MALRD1: variants seen among roughly 807,000 people sequenced by gnomAD.
MALRD1 encodes MAM and LDL receptor class A domain containing 1, also known as MAM and LDL-receptor class A domain-containing protein 1.
MALRD1 carries 247 observed loss-of-function variants against 242.1 expected under a neutral mutation model. That is an observed-to-expected ratio of 1.02 (90% confidence interval 0.92 to 1.13). MALRD1 has a LOEUF of 1.13. Among genes scored for constraint, MALRD1 ranks in the 50% most tolerant of loss-of-function variants. The pLI is 0.00. For synonymous variants in MALRD1, 995 were observed against 866.6 expected (o/e 1.15, Z -2.60); for missense variants, 2,989 against 2,533.1 (o/e 1.18, Z -3.86).
intron 38 of MALRD1, among the ~76,000 whole-genome samples, chr10:19,719,219 C>CAT (rs1290415118): frequency 1.4e-3 from 41 of 30,330 alleles, no homozygotes; most frequent in African/African-American, 2.6e-3. Flanking sequence ...TATACACATA[C>CAT]ATACATATAT....
At chr10:19,062,876 A>T (rs1834862648) in intron 1 of MALRD1, among the ~76,000 whole-genome samples, 1 of 152,150 alleles carries the variant, frequency 6.6e-6, no homozygotes, top group South Asian at 2.1e-4. Context: ...GAATGGTTAA[A>T]ATTACATGCC....
chr10:19,140,982 T>C (rs1833520664), intron 10 of MALRD1, among the ~76,000 whole-genome samples: 2 of 152,218 alleles, frequency 1.3e-5, no homozygotes, highest in Non-Finnish European at 2.9e-5. Context: ...GAAATGATGC[T>C]AATTAGCTTT....
intron 26 of MALRD1, among the ~76,000 whole-genome samples, chr10:19,384,015 A>C (rs1336389108): frequency 3.3e-5 from 5 of 151,836 alleles, no homozygotes; most frequent in African/African-American, 1.2e-4. Flanking sequence ...AAAAAGACTT[A>C]AGGTCTGAAT....
chr10:19,358,696 AC>A (rs1439564916), intron 26 of MALRD1, among the ~76,000 whole-genome samples: 1 of 152,214 alleles, frequency 6.6e-6, no homozygotes, highest in Non-Finnish European at 1.5e-5. Flanking sequence ...TCAGATAGTA[AC>A]ATATAGCACT....
chr10:19,422,678 T>C (rs991760376), intron 28 of MALRD1, among the ~76,000 whole-genome samples: 1 of 152,188 alleles, frequency 6.6e-6, no homozygotes, highest in Non-Finnish European at 1.5e-5. Flanking sequence ...TACTATATTA[T>C]ATCATTTTCT....
chr10:19,323,037 CAA>C (rs959453986), intron 21 of MALRD1, among the ~76,000 whole-genome samples: 1 of 148,772 alleles, frequency 6.7e-6, no homozygotes, highest in South Asian at 2.1e-4. Context: ...TCTTTTATGG[CAA>C]AAAAAAATCG....
At chr10:19,135,021 G>A (rs1274737582) in intron 9 of MALRD1, among the ~76,000 whole-genome samples, 2 of 152,048 alleles carry the variant, frequency 1.3e-5, no homozygotes, top group African/African-American at 2.4e-5. Context: ...AAAGTATGTA[G>A]CAGCATACAA....
chr10:19,184,229 G>A (rs961057921), intron 14 of MALRD1, among the ~76,000 whole-genome samples: 1 of 152,166 alleles, frequency 6.6e-6, no homozygotes, highest in Non-Finnish European at 1.5e-5. Context: ...TCATTTAAGG[G>A]AATGTTTAAC....
chr10:19,586,787 AAGC>A (rs1431792103), intron 33 of MALRD1, among the ~76,000 whole-genome samples: 1 of 152,186 alleles, frequency 6.6e-6, no homozygotes, highest in African/African-American at 2.4e-5. Context: ...TTGTTTACCT[AAGC>A]AAGCCTGGGC....
intron 36 of MALRD1, among the ~76,000 whole-genome samples, chr10:19,651,423 G>C (rs1290289693): frequency 6.6e-6 from 1 of 152,046 alleles, no homozygotes; most frequent in Non-Finnish European, 1.5e-5. Flanking sequence ...GTAGGCCAAT[G>C]CATCCTACTT....
In MALRD1 at chr10:19,498,442, A is replaced by T. The variant is rs755071675; in HGVS notation, c.5159-43A>T. On this transcript the variant is annotated intron_variant, in intron 30 of 39. Coordinates refer to ENST00000454679, the MANE Select transcript of MALRD1 (RefSeq NM_001142308.3). ...CAAATATAGGGTAGTAGCAAATGTGATAGACATTTCCAGAAATTCCATTAA... is the reference window on the plus strand; with the variant it reads ...CAAATATAGGGTAGTAGCAAATGTGTTAGACATTTCCAGAAATTCCATTAA... The T allele has an allele frequency of 2.7e-6, 4 of 1,501,956 alleles. No individual in the cohort carries two copies. The South Asian group carries it at 4.9e-5, about 18-fold the overall frequency. The allele number at this position is 1,501,956 out of a possible 1,614,324, so 93.0% of individuals were successfully genotyped here.
rs1554842468 is a variant in MALRD1 at position 19,376,542 on chromosome 10, C to CATTTTTTTTTTTTTTTTT, written c.4442-10986_4442-10985insATTTTTTTTTTTTTTTTT. ...TTGAAAGTCAAGGAGTTGATACATT[C>CATTTTTTTTTTTTTTTTT]TTTTTTTTTTTTTTTTTTTTTTTTT... On this transcript the variant is annotated intron_variant, in intron 26 of 39. Coordinates refer to ENST00000454679, the MANE Select transcript of MALRD1 (RefSeq NM_001142308.3). Among the ~76,000 whole-genome samples the CATTTTTTTTTTTTTTTTT allele has an allele frequency of 7.4e-5, 7 of 94,992 alleles. 2 individuals are homozygous for CATTTTTTTTTTTTTTTTT. The highest frequency in any genetic ancestry group is 1.6e-4 in the African/African-American group (4 of 25,250). The allele number at this position is 94,992 out of a possible 152,430, so 62.3% of individuals were successfully genotyped here. A position where few individuals can be genotyped will look rare whatever the true frequency, so the allele number is the denominator to read the frequency against.
At chr10:19,641,047 A>G (rs1006116754) in intron 36 of MALRD1, among the ~76,000 whole-genome samples, 2 of 152,202 alleles carry the variant, frequency 1.3e-5, no homozygotes, top group African/African-American at 2.4e-5. Flanking sequence ...GCAGAAAAAG[A>G]TAGGCTTAAA....
Position 19,480,340 on chromosome 10 carries a change from C to T in MALRD1, c.5030-11177C>T, listed in dbSNP as rs532188416. ...TGGTTGTAGACATGGGGCCATCAGC[C>T]TCCAGATAGCAGTTAAAATCAAGTG... On this transcript the variant is annotated intron_variant, in intron 29 of 39. Transcript: ENST00000454679. 2.2e-3 allele frequency among the ~76,000 whole-genome samples: 333 copies of T among 152,274 alleles called. 2 individuals are homozygous for T. The highest frequency in any genetic ancestry group is 6.8e-3 in the Middle Eastern group (2 of 294).
rs950647426 is a variant in MALRD1 at position 19,331,440 on chromosome 10, T to C, written c.3759T>C (p.Asp1253=). 1.9e-6 allele frequency: 3 copies of C among 1,550,512 alleles called. No homozygotes were observed. Among genetic ancestry groups the C allele is most frequent in the Non-Finnish European group, 1.7e-6 (2 of 1,146,906 alleles). The part of the protein sequence containing the change: ...DVAVDDISFQ[D]CSPLLSPERK... ...CAGTGGATGATATTTCCTTCCAAGA[T>C]TGCTCCCCTTTGCTTAGCCCAGAGA... The change falls in exon 24 of 40, where the codon GAT becomes GAC. Residue 1253 remains aspartate, a synonymous_variant. Transcript: ENST00000454679.
intron 31 of MALRD1, among the ~76,000 whole-genome samples, chr10:19,506,849 G>A (rs918017406): frequency 2.0e-5 from 3 of 152,064 alleles, no homozygotes; most frequent in African/African-American, 4.8e-5. Context: ...AAAGCAAGAT[G>A]GACCATGTGT....
At chr10:19,531,852 G>C (rs1834431138) in intron 32 of MALRD1, among the ~76,000 whole-genome samples, 2 of 152,144 alleles carry the variant, frequency 1.3e-5, no homozygotes, top group African/African-American at 2.4e-5. Context: ...AATGAAATAA[G>C]TTGCTGCACT....
At chr10:19,425,372 A>C (rs953469897) in intron 28 of MALRD1, among the ~76,000 whole-genome samples, 7 of 152,204 alleles carry the variant, frequency 4.6e-5, no homozygotes, top group African/African-American at 1.7e-4. Flanking sequence ...AATGGTCTCC[A>C]GTGACTATTA....
In MALRD1 at chr10:19,535,403, T is replaced by A. The variant is rs562286143; in HGVS notation, c.5478+4052T>A. On this transcript the variant is annotated intron_variant, in intron 32 of 39. Transcript: ENST00000454679. The stretch of plus-strand genomic sequence containing the variant: ...ATATGTGTACTAGTATGCAATTTTT[T>A]AAAAAAATCAGATTTTGTGTGAAAA... Among the ~76,000 whole-genome samples the A allele has an allele frequency of 3.2e-4, 48 of 151,840 alleles. No individual in the cohort carries two copies. The South Asian group carries it at 5.2e-3, about 16-fold the overall frequency.
Sources: allele counts gnomAD v4.1 joint callset (sites outside exome capture counted in the v4.1 genomes callset), GRCh38; gene constraint gnomAD v4.1.1; transcripts MANE v1.5; gene names NCBI Gene and HGNC (gene_info 2026-07-23, HGNC 2026-07-21).